Variants in EXT2 observed in about 807,000 individuals in gnomAD.
EXT2 encodes exostosin glycosyltransferase 2, also known as exostosin-2.
Under a neutral mutation model 81.6 loss-of-function variants are expected in EXT2, and 53 were observed. The observed-to-expected ratio is 0.65, with a 90% CI of 0.52 to 0.82. The LOEUF is 0.82. EXT2 is among the 40% of genes least tolerant of loss of function. The pLI, the probability that EXT2 is intolerant of heterozygous loss-of-function variation, is 0.00. For missense variants in EXT2, 774 were observed against 910.2 expected (o/e 0.85, Z 1.93); for synonymous variants, 320 against 340.0 (o/e 0.94, Z 0.65).
chr11:44,207,655 A>G (rs1955600016), intron 10 of EXT2, among the ~76,000 whole-genome samples: 1 of 152,190 alleles, frequency 6.6e-6, no homozygotes, highest in Non-Finnish European at 1.5e-5. Flanking sequence ...CAGAGTGTTC[A>G]AGTCATTTAG....
chr11:44,120,034 A>G (rs1296400513), intron 4 of EXT2, among the ~76,000 whole-genome samples: 2 of 152,020 alleles, frequency 1.3e-5, no homozygotes, highest in Admixed American at 6.6e-5. Context: ...GGTTTAATCC[A>G]GGGAAGAAAA....
rs1192115471 is a variant in EXT2 at position 44,119,169 on chromosome 11, T to TATATATATATATATATATATAC, written c.743+4869_743+4870insTATATATATATATATATATACA. ...ATATATATATATATATATATATATA[T>TATATATATATATATATATATAC]ACACATACACACACACACACACACA... On this transcript the variant is annotated intron_variant, in intron 4 of 13. Coordinates refer to ENST00000533608, the MANE Select transcript of EXT2 (RefSeq NM_207122.2). Among the ~76,000 whole-genome samples, 159 of 63,128 alleles carry TATATATATATATATATATATAC rather than the reference T, an allele frequency of 2.5e-3. 12 individuals are homozygous for TATATATATATATATATATATAC. Among genetic ancestry groups the TATATATATATATATATATATAC allele is most frequent in the Non-Finnish European group, 3.9e-3 (124 of 31,742 alleles). 41.4% of individuals were successfully genotyped at this position (63,128 alleles called of 152,430 possible).
chr11:44,180,659 C>T (rs778764714), intron 8 of EXT2, among the ~76,000 whole-genome samples: 217 of 152,202 alleles, frequency 1.4e-3, no homozygotes, highest in Non-Finnish European at 1.5e-3. Flanking sequence ...ATTCTCAGTT[C>T]ACTGTGACAC....
At chr11:44,151,377 A>G (rs1348788971) in intron 7 of EXT2, among the ~76,000 whole-genome samples, 13 of 152,072 alleles carry the variant, frequency 8.5e-5, no homozygotes, top group Admixed American at 8.5e-4. Flanking sequence ...TGCTCTGCCT[A>G]TTAATTGCTC....
At chr11:44,119,169 T>TATATATATATATATATAC (rs1192115471) in intron 4 of EXT2, among the ~76,000 whole-genome samples, 828 of 63,020 alleles carry the variant, frequency 0.013, 66 homozygotes, top group Non-Finnish European at 0.018. Flanking sequence ...TATATATATA[T>TATATATATATATATATAC]ACACATACAC....
intron 1 of EXT2, 149 bp downstream of exon 1, chr11:44,096,001 C>T (rs1953889038): frequency 1.9e-6 from 1 of 536,070 alleles, no homozygotes; most frequent in Non-Finnish European, 3.4e-6. Flanking sequence ...GAGGCCACCC[C>T]CAGCCCCGCC....
intron 10 of EXT2, among the ~76,000 whole-genome samples, chr11:44,225,022 T>C (rs1955823593): frequency 2.0e-5 from 3 of 152,178 alleles, no homozygotes; most frequent in African/African-American, 2.4e-5. Context: ...GAGATTAGAC[T>C]TAGAAATAGT....
intron 9 of EXT2, among the ~76,000 whole-genome samples, chr11:44,200,671 A>G (rs1224623804): frequency 1.3e-5 from 2 of 152,230 alleles, no homozygotes; most frequent in South Asian, 4.2e-4. Flanking sequence ...GACTGCGGGG[A>G]GTTGGGTCAT....
chr11:44,181,163 T>C (rs1364364730), intron 8 of EXT2, among the ~76,000 whole-genome samples: 1 of 152,214 alleles, frequency 6.6e-6, no homozygotes, highest in African/African-American at 2.4e-5. Context: ...AGTGTAGAAT[T>C]CTGGTTGAGG....
chr11:44,206,568 A>G (rs1201327324), intron 9 of EXT2, among the ~76,000 whole-genome samples: 1 of 152,056 alleles, frequency 6.6e-6, no homozygotes, highest in African/African-American at 2.4e-5. Context: ...TGTATATAGT[A>G]TGTGTGTATA....
At chr11:44,218,530 T>C (rs1955745105) in intron 10 of EXT2, among the ~76,000 whole-genome samples, 1 of 152,104 alleles carries the variant, frequency 6.6e-6, no homozygotes, top group South Asian at 2.1e-4. Context: ...GATCACAAGA[T>C]GACTTAGAGG....
chr11:44,213,291 G>A (rs1336767824), intron 10 of EXT2, among the ~76,000 whole-genome samples: 1 of 152,114 alleles, frequency 6.6e-6, no homozygotes, highest in Non-Finnish European at 1.5e-5. Flanking sequence ...CAGAGAAAGT[G>A]TACAGATCCA....
At chr11:44,173,630 G>A (rs1199626935) in intron 8 of EXT2, among the ~76,000 whole-genome samples, 2 of 138,180 alleles carry the variant, frequency 1.4e-5, no homozygotes, top group Non-Finnish European at 3.0e-5. Flanking sequence ...GTGCAGTAGC[G>A]CAATGCCGGC....
Position 44,245,227 on chromosome 11 carries a change from GA to G in EXT2, c.*941del, listed in dbSNP as rs1956083378. On this transcript the variant is annotated 3_prime_UTR_variant, in exon 14 of 14. Transcript: ENST00000533608. ...AGAGGGTCTGTACTAGCCATGCAAG[GA>G]GTCGCTCTAGCTGGTACCCGTAAAA... is the stretch of plus-strand genomic sequence containing the variant. The G allele has an allele frequency of 4.4e-6, 1 of 227,886 alleles. No homozygotes were observed. Among genetic ancestry groups the G allele is most frequent in the Admixed American group, 5.7e-5 (1 of 17,570 alleles). 14.1% of individuals were successfully genotyped at this position (227,886 alleles called of 1,614,324 possible).
intron 10 of EXT2, among the ~76,000 whole-genome samples, chr11:44,228,403 G>T (rs1955861478): frequency 6.6e-6 from 1 of 152,194 alleles, no homozygotes; most frequent in Admixed American, 6.5e-5. Context: ...TTAGAGTAGG[G>T]GTGGGTAGCC....
intron 9 of EXT2, among the ~76,000 whole-genome samples, chr11:44,206,490 G>A (rs945376627): frequency 2.0e-5 from 3 of 150,850 alleles, no homozygotes; most frequent in African/African-American, 7.3e-5. Context: ...AAGCCAATTT[G>A]TTCATTCTAG....
intron 8 of EXT2, among the ~76,000 whole-genome samples, chr11:44,173,226 A>G (rs913256530): frequency 2.0e-5 from 3 of 152,196 alleles, no homozygotes; most frequent in African/African-American, 4.8e-5. Flanking sequence ...AGAGGAAGTC[A>G]GTATGTGCGT....
chr11:44,233,740 G>A (rs1255166798), intron 11 of EXT2, among the ~76,000 whole-genome samples: 1 of 151,806 alleles, frequency 6.6e-6, no homozygotes. Context: ...TTTTTATTTT[G>A]TAATAAGCAA....
chr11:44,157,980 T>C (rs1459074540), intron 7 of EXT2, among the ~76,000 whole-genome samples: 2 of 152,126 alleles, frequency 1.3e-5, no homozygotes, highest in African/African-American at 4.8e-5. Context: ...AGGGAGCAAG[T>C]TTCCTTCTGG....
Sources: gnomAD v4.1 joint callset for allele counts (sites outside exome capture counted in the v4.1 genomes callset) on GRCh38, gnomAD v4.1.1 for gene constraint, MANE v1.5 for transcripts, NCBI Gene and HGNC (gene_info 2026-07-23, HGNC 2026-07-21) for gene names.